Variants in ARHGAP32 observed in about 807,000 individuals in gnomAD.
ARHGAP32 encodes rho GTPase-activating protein 32.
A neutral mutation model predicts 186.5 loss-of-function variants in ARHGAP32; 51 were observed. The ratio of observed to expected loss-of-function variants is 0.27; its 90% CI spans 0.22 to 0.35. ARHGAP32 has a LOEUF of 0.35. Among genes scored for constraint, ARHGAP32 ranks in the 10% least tolerant of loss-of-function variants. The probability of loss-of-function intolerance (pLI) is 1.00; values close to 1 mark genes in which losing one functional copy is unlikely to be tolerated. For synonymous variants in ARHGAP32, 950 were observed against 964.3 expected (o/e 0.99, Z 0.27); for missense variants, 2,186 against 2,623.5 (o/e 0.83, Z 3.64).
intron 1 of ARHGAP32, among the ~76,000 whole-genome samples, chr11:129,236,056 A>G (rs527977251): frequency 1.3e-5 from 2 of 152,224 alleles, no homozygotes; most frequent in African/African-American, 4.8e-5. Flanking sequence ...TTTTTCGAAT[A>G]ATGACTTCTT....
chr11:129,178,608 G>A (rs1326213984), intron 1 of ARHGAP32, among the ~76,000 whole-genome samples: 6 of 151,746 alleles, frequency 4.0e-5, no homozygotes, highest in Admixed American at 3.3e-4. Context: ...TAGATCAATG[G>A]AACAGAACAG....
At chr11:128,995,830 C>A (rs1264049702) in intron 12 of ARHGAP32, among the ~76,000 whole-genome samples, 2 of 152,194 alleles carry the variant, frequency 1.3e-5, no homozygotes, top group Non-Finnish European at 2.9e-5. Flanking sequence ...CAGAGTGAAA[C>A]CCCATCTCAA....
chr11:129,268,313 C>T (rs1010645158), intron 1 of ARHGAP32, among the ~76,000 whole-genome samples: 3 of 152,058 alleles, frequency 2.0e-5, no homozygotes, highest in Non-Finnish European at 4.4e-5. Context: ...TGTGTGGAGT[C>T]AGAAATGCAT....
chr11:128,999,251 G>T (rs534611619), intron 11 of ARHGAP32, among the ~76,000 whole-genome samples: 1 of 152,328 alleles, frequency 6.6e-6, no homozygotes, highest in South Asian at 2.1e-4. Context: ...TGCAGTTGTA[G>T]ATAAGGGATG....
At position 128,971,150 on chromosome 11, in the gene ARHGAP32, C is replaced by T; in HGVS notation, c.4063G>A (p.Val1355Ile). The change falls in exon 23 of 23, where the codon GTA becomes ATA. Residue 1355 changes from valine to isoleucine, a missense_variant. Around this residue, in one of 5 missense-constraint regions of ARHGAP32, gnomAD observed 1,502 missense variants for 1,570.0 expected, o/e 0.96. Transcript: ENST00000682385. ...GGTGGCCTCTCTGGAACTGGAACTA[C>T]TCCTTGAACCTATTGAAAGATGATA... The part of the protein sequence containing the change: ...GLNNSHKVQG[V>I]VPVPERPPEP... The T allele has an allele frequency of 6.2e-7, 1 of 1,606,548 alleles. No homozygotes were observed. The highest frequency in any genetic ancestry group is 8.5e-7 in the Non-Finnish European group (1 of 1,174,202).
At chr11:129,222,052 T>C (rs533335799) in intron 1 of ARHGAP32, among the ~76,000 whole-genome samples, 84 of 152,242 alleles carry the variant, frequency 5.5e-4, no homozygotes, top group Admixed American at 9.2e-4. Flanking sequence ...TATTGACAAC[T>C]ATAGCTACTA....
At chr11:129,252,047 C>A (rs1282358788) in intron 1 of ARHGAP32, among the ~76,000 whole-genome samples, 1 of 151,028 alleles carries the variant, frequency 6.6e-6, no homozygotes, top group Non-Finnish European at 1.5e-5. Context: ...ATTATAATTA[C>A]AATAATTCAA....
rs182649211 is a variant in ARHGAP32, at chr11:129,088,558, G to A, written c.531+5063C>T. On this transcript the variant is annotated intron_variant, in intron 6 of 22. Coordinates refer to ENST00000682385, the MANE Select transcript of ARHGAP32 (RefSeq NM_001378024.1). ...TCACACCACTGCACTCCAGACTGGT[G>A]ACAGAGCGAGACTCCTTCTCAATCA... Among the ~76,000 whole-genome samples the A allele has an allele frequency of 3.8e-3, 582 of 152,234 alleles. 8 individuals are homozygous for A. The South Asian group carries it at 0.044, about 12-fold the overall frequency.
At chr11:129,074,025 C>G (rs145902292) in intron 6 of ARHGAP32, among the ~76,000 whole-genome samples, 1 of 152,052 alleles carries the variant, frequency 6.6e-6, no homozygotes, top group African/African-American at 2.4e-5. Flanking sequence ...AGAAATAAAG[C>G]TTGTCAAACA....
intron 20 of ARHGAP32, among the ~76,000 whole-genome samples, chr11:128,975,878 G>A (rs766118914): frequency 4.6e-5 from 7 of 151,976 alleles, no homozygotes; most frequent in Non-Finnish European, 7.4e-5. Context: ...GCAAAACCCC[G>A]TATCTACTAA....
intron 2 of ARHGAP32, among the ~76,000 whole-genome samples, chr11:129,141,032 T>C (rs1434114263): frequency 6.6e-6 from 1 of 152,178 alleles, no homozygotes; most frequent in African/African-American, 2.4e-5. Context: ...TCCCATAATA[T>C]ACAATAGGGA....
intron 6 of ARHGAP32, among the ~76,000 whole-genome samples, chr11:129,068,369 T>C (rs554030339): frequency 6.6e-6 from 1 of 152,238 alleles, no homozygotes; most frequent in Non-Finnish European, 1.5e-5. Flanking sequence ...GTTAGCTCTT[T>C]CTTTGATGCT....
rs151250319 is a variant in ARHGAP32 at position 129,054,585 on chromosome 11, C to T, written c.963+7695G>A. 1.5e-4 allele frequency among the ~76,000 whole-genome samples: 23 copies of T among 152,176 alleles called. 1 individual carries two copies. The East Asian group carries it at 4.4e-3, about 29-fold the overall frequency. ...TTAACATGTTGTATTTGTGTAATGC[C>T]TTTACCTAGAAAAAAGGGTTTTCTG... On this transcript the variant is annotated intron_variant, in intron 10 of 22. Coordinates refer to ENST00000682385, the MANE Select transcript of ARHGAP32 (RefSeq NM_001378024.1).
At chr11:129,017,874 T>C (rs941970644) in intron 11 of ARHGAP32, among the ~76,000 whole-genome samples, 1 of 152,164 alleles carries the variant, frequency 6.6e-6, no homozygotes, top group Non-Finnish European at 1.5e-5. Context: ...TATCCCCAAT[T>C]GCTAAGATAT....
intron 1 of ARHGAP32, among the ~76,000 whole-genome samples, chr11:129,230,005 AG>A (rs982822681): frequency 9.2e-5 from 14 of 152,010 alleles, no homozygotes; most frequent in African/African-American, 3.4e-4. Context: ...TATAGAGACA[AG>A]GTTTTGCCAT....
chr11:129,082,843 T>A (rs1941260911), intron 6 of ARHGAP32, among the ~76,000 whole-genome samples: 1 of 151,966 alleles, frequency 6.6e-6, no homozygotes, highest in Non-Finnish European at 1.5e-5. Context: ...AGGACTGATA[T>A]CCAGAATCTA....
intron 17 of ARHGAP32, 135 bp downstream of exon 17, chr11:128,981,281 G>T: frequency 1.1e-6 from 1 of 881,732 alleles, no homozygotes; most frequent in Non-Finnish European, 1.7e-6. Flanking sequence ...TGTGCATTTT[G>T]GTAAGCAGCC....
chr11:129,015,541 A>G (rs1156728184), intron 11 of ARHGAP32, among the ~76,000 whole-genome samples: 14 of 152,148 alleles, frequency 9.2e-5, no homozygotes, highest in Non-Finnish European at 7.4e-5. Flanking sequence ...CCGCAATCCT[A>G]TTCTCCTACA....
intron 7 of ARHGAP32, among the ~76,000 whole-genome samples, chr11:129,066,444 A>G (rs1438507847): frequency 6.6e-6 from 1 of 152,042 alleles, no homozygotes; most frequent in Non-Finnish European, 1.5e-5. Context: ...ATGTTTTTCC[A>G]TATTTTTGCT....
Sources: allele counts gnomAD v4.1 joint callset (sites outside exome capture counted in the v4.1 genomes callset), GRCh38; gene constraint gnomAD v4.1.1; regional missense constraint gnomAD v4.1.1; transcripts MANE v1.5; gene names NCBI Gene and HGNC (gene_info 2026-07-23, HGNC 2026-07-21).